SEC23A: variants seen among roughly 807,000 people sequenced by gnomAD.
SEC23A encodes the protein protein transport protein Sec23A.
SEC23A carries 56 observed loss-of-function variants against 103.7 expected under a neutral mutation model. The ratio of observed to expected loss-of-function variants is 0.54; its 90% CI spans 0.44 to 0.67. The LOEUF (loss-of-function observed/expected upper bound fraction) is 0.67. Ranked by LOEUF, SEC23A falls within the 30% of genes least tolerant of loss-of-function variation. SEC23A has a pLI of 0.00. For synonymous variants in SEC23A, 281 were observed against 293.0 expected, an observed-to-expected ratio of 0.96 and a Z score of 0.42; for missense variants, 784 against 936.4, an observed-to-expected ratio of 0.84 and a Z score of 2.12.
At position 39,061,777 on chromosome 14, in the gene SEC23A, G is replaced by A. The variant is rs752322650; in HGVS notation, c.1493C>T (p.Thr498Ile). 1 of 1,608,740 alleles carries A rather than the reference G, an allele frequency of 6.2e-7. No homozygotes were observed. The highest frequency in any genetic ancestry group is 8.5e-7 in the Non-Finnish European group (1 of 1,175,128). Residue 498 changes from threonine (T) to isoleucine (I), a missense_variant, in exon 13 of 20, where the codon ACC (threonine) becomes ATC (isoleucine). Physicochemically the swap from Thr to Ile is moderately conservative, Grantham distance 89. Coordinates refer to ENST00000307712, the MANE Select transcript of SEC23A (RefSeq NM_006364.4). ...AAATACAACTTACTTCCTAGCAATG[G>A]TGGTCACTCGGATGCGTCTCTGCCC... ...SSGQRRIRVT[T>I]IARNWADAQT...
chr14:39,096,073 CA>C lies in SEC23A; in HGVS notation c.45del (p.Asp15GlufsTer31). 6.2e-7 allele frequency: 1 copy of C among 1,614,038 alleles called. No homozygotes were observed. Among genetic ancestry groups the C allele is most frequent in the Non-Finnish European group, 8.5e-7 (1 of 1,179,936 alleles). On this transcript the variant is annotated frameshift_variant, in exon 2 of 20. Transcript: ENST00000307712. LOFTEE classifies it high-confidence loss of function. The part of the protein sequence containing the change: ...LEFIQQNEER[D>X]GVRFSWNVWP... The stretch of plus-strand genomic sequence containing the variant: ...CAAACATTCCAACTAAATCGGACTC[CA>C]TCTCGTTCTTCATTTTGTTGAATGA...
At chr14:39,077,749 G>C (rs1317290154) in intron 7 of SEC23A, among the ~76,000 whole-genome samples, 1 of 151,620 alleles carries the variant, frequency 6.6e-6, no homozygotes, top group African/African-American at 2.4e-5. Flanking sequence ...GGCCAACATG[G>C]CAAAACCCTG....
chr14:39,089,317 G>A (rs552513549), intron 5 of SEC23A, among the ~76,000 whole-genome samples: 9 of 151,906 alleles, frequency 5.9e-5, no homozygotes, highest in Admixed American at 3.9e-4. Flanking sequence ...ATGCTTAAAT[G>A]TACAATTCAT....
At chr14:39,040,226 C>T (rs1295594447) in intron 18 of SEC23A, 3 of 161,388 alleles carry the variant, frequency 1.9e-5, no homozygotes, top group Non-Finnish European at 4.1e-5. Flanking sequence ...ATGTATCTAA[C>T]GTATATGTAT....
intron 12 of SEC23A, among the ~76,000 whole-genome samples, chr14:39,062,602 C>A (rs1392881426): frequency 6.6e-6 from 1 of 152,044 alleles, no homozygotes; most frequent in Admixed American, 6.6e-5. Context: ...GAAAGAAATA[C>A]AAGTAATCAA....
At chr14:39,074,316 GA>G (rs1886937268) in intron 9 of SEC23A, 98 bp downstream of exon 9, 5 of 800,164 alleles carry the variant, frequency 6.2e-6, no homozygotes, top group Non-Finnish European at 8.9e-6. Context: ...GAAGTAGTGG[GA>G]AGATGACACT....
rs1407620267 is a variant in SEC23A, at chr14:39,091,478, T to G, written c.602A>C (p.Gln201Pro). 1 of 1,609,000 alleles carries G rather than the reference T, an allele frequency of 6.2e-7. No individual in the cohort carries two copies. The highest frequency in any genetic ancestry group is 8.5e-7 in the Non-Finnish European group (1 of 1,175,410). Reference sequence around the variant, plus strand: ...AAAACTACCATTCTTGTTGTTTACCTGCAGTTGTTTGGCAGACAAATCTTT... The same window carrying G: ...AAAACTACCATTCTTGTTGTTTACCGGCAGTTGTTTGGCAGACAAATCTTT... ...GTKDLSAKQL[Q>P]EMLGLSKVPL... is the part of the protein sequence containing the mutation. Residue 201 changes from glutamine (Q) to proline (P), a missense_variant and splice_region_variant, in exon 5 of 20, where the codon CAG becomes CCG. By Grantham distance (76) the Gln-to-Pro change is moderately conservative. Around this residue, in one of 2 missense-constraint regions of SEC23A, gnomAD observed 683 missense variants for 774.2 expected, o/e 0.88. Transcript: ENST00000307712.
At chr14:39,093,162 C>T (rs746073153) in intron 3 of SEC23A, 25 bp downstream of exon 3, 22 of 1,607,852 alleles carry the variant, frequency 1.4e-5, no homozygotes, top group South Asian at 2.2e-5. Flanking sequence ...CCACTGCGCC[C>T]GGCATGCAAT....
chr14:39,041,112 A>C, intron 17 of SEC23A: 1 of 434,058 alleles, frequency 2.3e-6, no homozygotes, highest in Non-Finnish European at 3.9e-6. Context: ...GAATACTTAC[A>C]TAAGTCAGAA....
intron 9 of SEC23A, among the ~76,000 whole-genome samples, chr14:39,068,402 C>T (rs1234560132): frequency 3.3e-5 from 5 of 152,138 alleles, no homozygotes; most frequent in Non-Finnish European, 7.4e-5. Flanking sequence ...TCCAAAGATA[C>T]TCTAACAAAA....
intron 18 of SEC23A, chr14:39,039,358 T>G: frequency 2.5e-6 from 1 of 401,436 alleles, no homozygotes; most frequent in South Asian, 4.1e-5. Context: ...CATATAAAAA[T>G]TATGTGTGCA....
At chr14:39,081,238 TAAGAA>T (rs1250035666) in intron 7 of SEC23A, among the ~76,000 whole-genome samples, 1 of 146,338 alleles carries the variant, frequency 6.8e-6, no homozygotes, top group African/African-American at 2.5e-5. Context: ...CACATCAAGG[TAAGAA>T]AATAATGAAA....
chr14:39,040,745 T>G lies in SEC23A; in HGVS notation c.2129A>C (p.His710Pro). ...FPMPRYIDTE[H>P]GGSQARFLLS... ...AACACTACTTACCTGGCTGCCTCCA[T>G]GTTCAGTGTCAATGTATCTTGGCAT... The change falls in exon 18 of 20, where the codon CAT becomes CCT. Residue 710 changes from histidine to proline, a missense_variant. By Grantham distance (77) the His-to-Pro change is moderately conservative. Transcript: ENST00000307712. 6.2e-7 allele frequency: 1 copy of G among 1,614,194 alleles called. No individual in the cohort carries two copies. Among genetic ancestry groups the G allele is most frequent in the East Asian group, 2.2e-5 (1 of 44,880 alleles).
At chr14:39,076,682 T>C (rs1887037105) in intron 7 of SEC23A, among the ~76,000 whole-genome samples, 1 of 151,848 alleles carries the variant, frequency 6.6e-6, no homozygotes, top group African/African-American at 2.4e-5. Context: ...TCCCAGCACT[T>C]TGGGAGGCTG....
At chr14:39,070,135 G>A (rs933224962) in intron 9 of SEC23A, among the ~76,000 whole-genome samples, 6 of 152,228 alleles carry the variant, frequency 3.9e-5, no homozygotes, top group Non-Finnish European at 8.8e-5. Flanking sequence ...TTATACGGAA[G>A]AGCCCTGCGC....
intron 1 of SEC23A, among the ~76,000 whole-genome samples, chr14:39,102,685 G>A (rs1198444458): frequency 6.6e-6 from 1 of 152,174 alleles, no homozygotes; most frequent in Non-Finnish European, 1.5e-5. Flanking sequence ...TATCTGGCAA[G>A]GAATGAAACA....
chr14:39,068,693 T>C (rs887523406), intron 9 of SEC23A, among the ~76,000 whole-genome samples: 1 of 152,182 alleles, frequency 6.6e-6, no homozygotes, highest in Non-Finnish European at 1.5e-5. Context: ...ATTGTTTATA[T>C]GATACACATG....
intron 15 of SEC23A, among the ~76,000 whole-genome samples, chr14:39,046,745 G>A (rs1487688524): frequency 6.6e-6 from 1 of 152,102 alleles, no homozygotes; most frequent in African/African-American, 2.4e-5. Flanking sequence ...TCACATGAAA[G>A]AAATCAAAAA....
At position 39,045,199 on chromosome 14, in the gene SEC23A, A is replaced by T. The variant is rs753303556; in HGVS notation, c.1863T>A (p.Pro621=). 4.3e-6 allele frequency: 7 copies of T among 1,613,746 alleles called. No individual in the cohort carries two copies. The highest frequency in any genetic ancestry group is 4.2e-6 in the Non-Finnish European group (5 of 1,179,818). The change falls in exon 16 of 20, where the codon CCT becomes CCA. Residue 621 remains proline (P), a synonymous_variant. Coordinates refer to ENST00000307712, the MANE Select transcript of SEC23A (RefSeq NM_006364.4). ...CACTAAAAGAATACGCATACAGGATAGGCTGAATCATAATTAGAGACTGGG... is the reference window on the plus strand; with the variant it reads ...CACTAAAAGAATACGCATACAGGATTGGCTGAATCATAATTAGAGACTGGG... The part of the protein sequence containing the change: ...DLTQSLIMIQ[P]ILYAYSFSGP...
Sources: allele counts gnomAD v4.1 joint callset (sites outside exome capture counted in the v4.1 genomes callset), GRCh38; gene constraint gnomAD v4.1.1; regional missense constraint gnomAD v4.1.1; transcripts MANE v1.5; gene names NCBI Gene and HGNC (gene_info 2026-07-23, HGNC 2026-07-21).